The following TRPM8 variants were observed in gnomAD, a reference collection of about 807,000 sequenced individuals.
TRPM8 encodes TRPM8 cationic channel.
Under a neutral mutation model 133.7 loss-of-function variants are expected in TRPM8, and 110 were observed. That is an observed-to-expected ratio of 0.82 (90% CI 0.70 to 0.96). The LOEUF (loss-of-function observed/expected upper bound fraction) is 0.96, where lower values mean the gene tolerates loss of function less well. Among genes scored for constraint, TRPM8 ranks in the 40% least tolerant of loss-of-function variants. The probability of loss-of-function intolerance (pLI) is 0.00; values close to 1 mark genes in which losing one functional copy is unlikely to be tolerated. For missense variants in TRPM8, 1,291 were observed against 1,379.5 expected (o/e 0.94, Z 1.02); for synonymous variants, 535 against 532.3 (o/e 1.01, Z -0.07).
In TRPM8 at chr2:233,967,957, G is replaced by A. The variant is rs1324307858; in HGVS notation, c.2025+1202G>A. Among the ~76,000 whole-genome samples the A allele has an allele frequency of 2.0e-5, 3 of 152,226 alleles. No individual in the cohort carries two copies. In the East Asian group the frequency reaches 5.8e-4, roughly 29 times the overall value. ...TTCACAGATCCTGAGGTTTCAATCAGATGCCAGGTCATTCATTTCACTGAA... is the reference window on the plus strand; with the variant it reads ...TTCACAGATCCTGAGGTTTCAATCAAATGCCAGGTCATTCATTTCACTGAA... On this transcript the variant is annotated intron_variant, in intron 15 of 25. Transcript: ENST00000324695.
intron 3 of TRPM8, among the ~76,000 whole-genome samples, chr2:233,932,531 T>C (rs1691701264): frequency 1.3e-5 from 2 of 152,144 alleles, no homozygotes; most frequent in African/African-American, 2.4e-5. Flanking sequence ...CAGAAAGGCA[T>C]GATTCCTCAA....
At chr2:233,928,332 C>A (rs930894241) in intron 2 of TRPM8, among the ~76,000 whole-genome samples, 1 of 152,164 alleles carries the variant, frequency 6.6e-6, no homozygotes, top group Non-Finnish European at 1.5e-5. Flanking sequence ...CTCTCCTCAG[C>A]CCCTGCGGGT....
chr2:234,015,334 A>G (rs926146028), intron 25 of TRPM8, among the ~76,000 whole-genome samples: 1 of 151,652 alleles, frequency 6.6e-6, no homozygotes, highest in Non-Finnish European at 1.5e-5. Flanking sequence ...AAAAACAGCA[A>G]TGGGCATTCC....
At chr2:233,944,181 T>G (rs1690985943) in intron 6 of TRPM8, among the ~76,000 whole-genome samples, 1 of 152,178 alleles carries the variant, frequency 6.6e-6, no homozygotes, top group African/African-American at 2.4e-5. Flanking sequence ...GCTTCTATTA[T>G]TATTACTAGA....
Position 233,985,800 on chromosome 2 carries a change from C to G in TRPM8, c.2874C>G (p.Pro958=). ...LPRFPEWITI[P]LVCIYMLSTN... is the part of the protein sequence containing the mutation. The stretch of plus-strand genomic sequence containing the variant: ...GGTTCCCCGAGTGGATCACCATCCC[C>G]CTGGTGTGCATCTACATGTTATCCA... The change falls in exon 21 of 26, where the codon CCC becomes CCG. Residue 958 remains proline (P), a synonymous_variant. Transcript: ENST00000324695. The G allele has an allele frequency of 6.2e-7, 1 of 1,614,230 alleles. No individual in the cohort carries two copies. Among genetic ancestry groups the G allele is most frequent in the African/African-American group, 1.3e-5 (1 of 75,056 alleles).
chr2:233,985,083 GAA>G (rs11305740), intron 20 of TRPM8, among the ~76,000 whole-genome samples: 28 of 146,416 alleles, frequency 1.9e-4, no homozygotes, highest in Admixed American at 3.4e-4. Flanking sequence ...GATTCTGTCT[GAA>G]AAAAAAAAAA....
rs371608612 is a variant in TRPM8, at chr2:233,966,709, C to T, written c.1979C>T (p.Ala660Val). 13 of 1,609,748 alleles carry T rather than the reference C, an allele frequency of 8.1e-6. No individual in the cohort carries two copies. The highest frequency in any genetic ancestry group is 2.2e-5 in the South Asian group (2 of 90,466). ...GGTGGAAGCAACTGTCTGGAGCTGG[C>T]GGTGGAGGCCACAGACCAGCATTTC... ...AWGGSNCLEL[A>V]VEATDQHFIA... The change falls in exon 15 of 26, where the codon GCG (alanine) becomes GTG (valine). Residue 660 changes from alanine (A) to valine (V), a missense_variant. Physicochemically the swap from Ala to Val is moderately conservative, Grantham distance 64. Around this residue, in one of 2 missense-constraint regions of TRPM8, gnomAD observed 963 missense variants for 968.9 expected, o/e 0.99. Transcript: ENST00000324695.
intron 3 of TRPM8, among the ~76,000 whole-genome samples, chr2:233,932,220 C>CT (rs1177329254): frequency 1.3e-5 from 2 of 152,348 alleles, no homozygotes; most frequent in East Asian, 3.9e-4. Flanking sequence ...CGCCGAGACT[C>CT]TGTCTCTTTC....
chr2:233,981,607 A>G (rs1392413615), intron 18 of TRPM8, among the ~76,000 whole-genome samples, 167 bp from the exon 19 acceptor site: 1 of 152,026 alleles, frequency 6.6e-6, no homozygotes, highest in African/African-American at 2.4e-5. Context: ...ACTTGAGGCC[A>G]TGAAAGCGGA....
At chr2:233,985,489 T>C (rs139440160) in intron 20 of TRPM8, among the ~76,000 whole-genome samples, 199 bp from the exon 21 acceptor site, 1 of 152,298 alleles carries the variant, frequency 6.6e-6, no homozygotes, top group African/African-American at 2.4e-5. Flanking sequence ...AGCCCCTTGT[T>C]CTTAGTAGCT....
intron 3 of TRPM8, chr2:233,933,916 G>C (rs886378557): frequency 1.2e-5 from 2 of 167,154 alleles, no homozygotes; most frequent in Non-Finnish European, 2.9e-5. Flanking sequence ...ACATATCTTG[G>C]CCACACTGAG....
rs1220312093 is a variant in TRPM8, at chr2:234,008,118, A to G, written c.3264+15A>G. ...TGGATACAAAGGTATGGTTCTGTTA[A>G]TAGTTTGGATTTTTTTTTTTTTTTG... On this transcript the variant is annotated intron_variant, in intron 24 of 25. Coordinates refer to ENST00000324695, the MANE Select transcript of TRPM8 (RefSeq NM_024080.5). 1 of 1,589,214 alleles carries G rather than the reference A, an allele frequency of 6.3e-7. No homozygotes were observed. The highest frequency in any genetic ancestry group is 1.2e-5 in the South Asian group (1 of 85,486).
intron 1 of TRPM8, 31 bp from the exon 2 acceptor site, chr2:233,926,502 C>A: frequency 6.4e-7 from 1 of 1,557,130 alleles, no homozygotes; most frequent in Non-Finnish European, 8.9e-7. Flanking sequence ...TGTTTGTAAC[C>A]CAAACTTATC....
chr2:233,962,711 C>T (rs1440223220), intron 12 of TRPM8, among the ~76,000 whole-genome samples: 1 of 152,158 alleles, frequency 6.6e-6, no homozygotes, highest in African/African-American at 2.4e-5. Context: ...GCATTTTATA[C>T]ATTGGTAAAA....
chr2:233,992,699 G>A (rs1418177171), intron 21 of TRPM8, among the ~76,000 whole-genome samples: 1 of 152,168 alleles, frequency 6.6e-6, no homozygotes, highest in African/African-American at 2.4e-5. Flanking sequence ...CGCTGGAGAT[G>A]CACAAAGGGA....
intron 1 of TRPM8, among the ~76,000 whole-genome samples, chr2:233,921,329 C>G (rs1574682731): frequency 1.3e-5 from 2 of 152,326 alleles, no homozygotes; most frequent in South Asian, 4.1e-4. Context: ...TCCTCCTCAT[C>G]CTACCTGTCC....
chr2:233,971,988 C>G (rs1691736507), intron 17 of TRPM8, among the ~76,000 whole-genome samples: 1 of 152,050 alleles, frequency 6.6e-6, no homozygotes, highest in Non-Finnish European at 1.5e-5. Context: ...GAGCTAGACA[C>G]CAAGGTTCTC....
chr2:233,970,866 T>C (rs1198662931), intron 17 of TRPM8, among the ~76,000 whole-genome samples: 1 of 152,200 alleles, frequency 6.6e-6, no homozygotes, highest in Non-Finnish European at 1.5e-5. Context: ...TGTAAGTCCC[T>C]GTGGGTCTCA....
chr2:233,979,892 A>C (rs1691963203), intron 17 of TRPM8, among the ~76,000 whole-genome samples: 1 of 152,168 alleles, frequency 6.6e-6, no homozygotes, highest in African/African-American at 2.4e-5. Context: ...CTGCCTACGG[A>C]GGGTGTACTC....
Sources: gnomAD v4.1 joint callset for allele counts (sites outside exome capture counted in the v4.1 genomes callset) on GRCh38, gnomAD v4.1.1 for gene constraint, gnomAD v4.1.1 regional missense constraint, MANE v1.5 for transcripts, NCBI Gene and HGNC (gene_info 2026-07-23, HGNC 2026-07-21) for gene names.